The following MTHFD2L variants were observed in gnomAD, a reference collection of about 807,000 sequenced individuals.
MTHFD2L encodes bifunctional methylenetetrahydrofolate dehydrogenase/cyclohydrolase 2, mitochondrial.
In MTHFD2L, 29 loss-of-function variants were observed where a neutral mutation model predicts 34.9. That is an observed-to-expected ratio of 0.83 (90% CI 0.62 to 1.13). The LOEUF is 1.13. MTHFD2L is among the 50% of genes most tolerant of loss of function. The pLI is 0.00. For synonymous variants in MTHFD2L, 167 were observed against 155.7 expected, an observed-to-expected ratio of 1.07 and a Z score of -0.54; for missense variants, 481 against 446.5, an observed-to-expected ratio of 1.08 and a Z score of -0.70.
At chr4:74,270,732 TG>T (rs772182984) in intron 6 of MTHFD2L, among the ~76,000 whole-genome samples, 19 of 152,368 alleles carry the variant, frequency 1.2e-4, no homozygotes, top group Non-Finnish European at 2.6e-4. Flanking sequence ...TCTAGATACC[TG>T]AGGAATAGCC....
intron 5 of MTHFD2L, among the ~76,000 whole-genome samples, chr4:74,205,582 G>C (rs568424889): frequency 6.6e-6 from 1 of 152,212 alleles, no homozygotes; most frequent in Admixed American, 6.5e-5. Context: ...GCTGTTTCTT[G>C]AGTATTTTTT....
intron 3 of MTHFD2L, 54 bp downstream of exon 3, chr4:74,175,457 AT>A: frequency 6.6e-7 from 1 of 1,521,720 alleles, no homozygotes; most frequent in Non-Finnish European, 8.9e-7. Flanking sequence ...AACAAAGGGC[AT>A]CTTTCAACAT....
intron 1 of MTHFD2L, among the ~76,000 whole-genome samples, chr4:74,144,910 T>G (rs72854815): frequency 0.016 from 2,447 of 152,212 alleles, 81 homozygotes; most frequent in African/African-American, 0.056. Flanking sequence ...AATGAATTAA[T>G]AGTAAGTGCT....
chr4:74,154,471 A>G (rs1724128830), upstream of MTHFD2L, among the ~76,000 whole-genome samples: 1 of 152,004 alleles, frequency 6.6e-6, no homozygotes, highest in African/African-American at 2.4e-5. Context: ...TATTTATTCA[A>G]TCACATATTT....
At chr4:74,267,226 C>T (rs754774807) in intron 6 of MTHFD2L, 188 of 985,316 alleles carry the variant, frequency 1.9e-4, no homozygotes, top group Non-Finnish European at 2.2e-4. Context: ...TGCAGTCTCT[C>T]CTCATTCCCC....
intron 6 of MTHFD2L, chr4:74,280,208 G>A (rs1398675769): frequency 6.6e-6 from 1 of 152,134 alleles, no homozygotes; most frequent in East Asian, 1.9e-4. Flanking sequence ...CGTGATCTGA[G>A]TGGACTGTGT....
chr4:74,131,611 G>A (rs989301608), intron 1 of MTHFD2L, among the ~76,000 whole-genome samples: 20 of 151,930 alleles, frequency 1.3e-4, no homozygotes, highest in Non-Finnish European at 2.8e-4. Context: ...TAAACATAAG[G>A]CCTAAAGCTA....
intron 2 of MTHFD2L, among the ~76,000 whole-genome samples, chr4:74,116,821 T>A (rs1721662295): frequency 6.6e-6 from 1 of 152,364 alleles, no homozygotes; most frequent in South Asian, 2.1e-4. Context: ...TTTCTTTCCT[T>A]GACACTAAAG....
At chr4:74,189,392 A>C (rs947046845) in intron 3 of MTHFD2L, among the ~76,000 whole-genome samples, 3 of 151,820 alleles carry the variant, frequency 2.0e-5, no homozygotes, top group Admixed American at 1.3e-4. Flanking sequence ...CAAAGAGCTT[A>C]TGAGCAAGGG....
At chr4:74,172,015 A>G (rs1221510915) in intron 1 of MTHFD2L, among the ~76,000 whole-genome samples, 1 of 152,206 alleles carries the variant, frequency 6.6e-6, no homozygotes, top group African/African-American at 2.4e-5. Flanking sequence ...ACATGCAACT[A>G]TGTGAATCAA....
chr4:74,153,802 C>T (rs544193437), upstream of MTHFD2L, among the ~76,000 whole-genome samples: 1 of 152,196 alleles, frequency 6.6e-6, no homozygotes, highest in East Asian at 1.9e-4. Flanking sequence ...CGGAAAAATT[C>T]AGAAAATAGT....
rs796856387 is a variant in MTHFD2L, at chr4:74,209,583, C to T, written c.712+8213C>T. ...TGTATATGTGCTACATTTTCTTAATCCAGTATATTATTGATGGGCATTTGG... is the reference window on the plus strand; with the variant it reads ...TGTATATGTGCTACATTTTCTTAATTCAGTATATTATTGATGGGCATTTGG... On this transcript the variant is annotated intron_variant, in intron 5 of 7. Transcript: ENST00000325278. Among the ~76,000 whole-genome samples the T allele has an allele frequency of 2.0e-5, 3 of 152,152 alleles. No individual in the cohort carries two copies. In the South Asian group the frequency reaches 6.2e-4, roughly 32 times the overall value.
rs1722926229 is a variant in MTHFD2L, at chr4:74,136,310, A to G, written c.-297+10793A>G. Among the ~76,000 whole-genome samples the G allele has an allele frequency of 2.0e-5, 3 of 152,284 alleles. No homozygotes were observed. The South Asian group carries it at 6.2e-4, about 32-fold the overall frequency. ...GATACAAAATCAATGTACAAAAATT[A>G]GTAGTGTTTCTACACACCAAGACTG... On this transcript the variant is annotated intron_variant, in intron 1 of 7. Transcript: ENST00000433372.
intron 5 of MTHFD2L, among the ~76,000 whole-genome samples, chr4:74,208,671 G>T (rs538813461): frequency 6.6e-6 from 1 of 152,210 alleles, no homozygotes; most frequent in African/African-American, 2.4e-5. Flanking sequence ...CGGTTAACAG[G>T]CCCAAATCTC....
intron 3 of MTHFD2L, chr4:74,195,766 G>A (rs965090462): frequency 1.3e-5 from 2 of 153,676 alleles, no homozygotes; most frequent in Non-Finnish European, 2.9e-5. Context: ...ATCAACATAT[G>A]TAAGAAGTAC....
rs186851051 is a variant in MTHFD2L at position 74,217,285 on chromosome 4, A to G, written c.713-8017A>G. On this transcript the variant is annotated intron_variant, in intron 5 of 7. Transcript: ENST00000325278. Reference sequence around the variant, plus strand: ...CCCCTGACCACCTTACCAAAATTGCATTTAGTGTCTATAGAGTTTCTCTGT... The same window carrying G: ...CCCCTGACCACCTTACCAAAATTGCGTTTAGTGTCTATAGAGTTTCTCTGT... Among the ~76,000 whole-genome samples, 8 of 151,866 alleles carry G rather than the reference A, an allele frequency of 5.3e-5. No individual in the cohort carries two copies. The East Asian group carries it at 1.5e-3, about 29-fold the overall frequency.
At chr4:74,252,917 A>T (rs1393596552) in intron 6 of MTHFD2L, among the ~76,000 whole-genome samples, 1 of 152,100 alleles carries the variant, frequency 6.6e-6, no homozygotes, top group African/African-American at 2.4e-5. Context: ...TTATTTTTAG[A>T]TACATATATT....
chr4:74,147,734 G>A (rs895367331), intron 1 of MTHFD2L, among the ~76,000 whole-genome samples: 1 of 152,130 alleles, frequency 6.6e-6, no homozygotes, highest in Non-Finnish European at 1.5e-5. Context: ...CGGACATGAG[G>A]TGGTATAACA....
chr4:74,277,845 G>A (rs1199378513), intron 6 of MTHFD2L, among the ~76,000 whole-genome samples: 1 of 151,650 alleles, frequency 6.6e-6, no homozygotes, highest in Non-Finnish European at 1.5e-5. Context: ...TTCTGAGATA[G>A]GTAGCCTAGG....
Sources: gnomAD v4.1 joint callset for allele counts (sites outside exome capture counted in the v4.1 genomes callset) on GRCh38, gnomAD v4.1.1 for gene constraint, MANE v1.5 for transcripts, NCBI Gene and HGNC (gene_info 2026-07-23, HGNC 2026-07-21) for gene names.